OR1J2: variants seen among roughly 807,000 people sequenced by gnomAD.
The protein encoded by OR1J2 is olfactory receptor 1J2.
For synonymous variants in OR1J2, 142 were observed against 99.7 expected (o/e 1.42, Z -2.52); for missense variants, 304 against 246.1 (o/e 1.24, Z -1.57).
chr9:122,494,798 A>C, the OR1J2 span, among the ~76,000 whole-genome samples: 2 of 152,138 alleles, frequency 1.3e-5, no homozygotes, highest in African/African-American at 4.8e-5. Context: ...TTATCCTTTA[A>C]GGAGATTCTA....
chr9:122,535,274 C>T, the OR1J2 span, among the ~76,000 whole-genome samples: 3 of 151,986 alleles, frequency 2.0e-5, no homozygotes, highest in Non-Finnish European at 2.9e-5. Flanking sequence ...CCTGCCCCTC[C>T]CCCAGAAAAG....
At chr9:122,570,781 T>A in the OR1J2 span, among the ~76,000 whole-genome samples, 1 of 152,172 alleles carries the variant, frequency 6.6e-6, no homozygotes, top group Non-Finnish European at 1.5e-5. Context: ...TATTTGCTGA[T>A]ATATTGAGTG....
chr9:122,486,822 G>A, the OR1J2 span, among the ~76,000 whole-genome samples: 2 of 152,174 alleles, frequency 1.3e-5, no homozygotes, highest in African/African-American at 4.8e-5. Flanking sequence ...TCATCATGTC[G>A]TATTGCCTCC....
chr9:122,572,428 G>C, the OR1J2 span, among the ~76,000 whole-genome samples: 3,457 of 152,298 alleles, frequency 0.023, 129 homozygotes, highest in African/African-American at 0.078. Context: ...GGATGCTCCA[G>C]ACTGTAGACA....
the OR1J2 span, among the ~76,000 whole-genome samples, chr9:122,543,360 G>A: frequency 2.6e-5 from 4 of 151,932 alleles, no homozygotes; most frequent in Admixed American, 6.6e-5. Flanking sequence ...GTGCTACCAC[G>A]CCCAGCTAAT....
chr9:122,482,081 C>G, the OR1J2 span, among the ~76,000 whole-genome samples: 2 of 152,000 alleles, frequency 1.3e-5, no homozygotes, highest in African/African-American at 4.8e-5. Flanking sequence ...AGACAACCTA[C>G]AGAATGAAAG....
the OR1J2 span, among the ~76,000 whole-genome samples, chr9:122,457,887 A>G: frequency 6.6e-6 from 1 of 152,168 alleles, no homozygotes; most frequent in Non-Finnish European, 1.5e-5. Flanking sequence ...AAAATACTCT[A>G]TCTCTATTAA....
Position 122,511,637 on chromosome 9 carries a change from C to T in OR1J2, c.836C>T (p.Thr279Met), listed in dbSNP as rs78611864. The change falls in exon 1 of 1, where the codon ACG becomes ATG. Residue 279 changes from threonine (T) to methionine (M), a missense_variant. Thr to Met is a moderately conservative substitution (Grantham distance 81). Coordinates refer to ENST00000335302, the MANE Select transcript of OR1J2 (RefSeq NM_054107.1). ...DKDVIVALMY[T>M]VVTPMLNPFI... Reference sequence around the variant, plus strand: ...GATGTCATTGTGGCTCTCATGTACACGGTGGTCACACCCATGTTGAACCCC... The same window carrying T: ...GATGTCATTGTGGCTCTCATGTACATGGTGGTCACACCCATGTTGAACCCC... 3.5e-3 allele frequency: 2,709 copies of T among 780,994 alleles called. 42 individuals are homozygous for T. In the African/African-American group the frequency reaches 0.037, roughly 11 times the overall value. 48.4% of individuals were successfully genotyped at this position (780,994 alleles called of 1,614,324 possible).
chr9:122,556,282 C>CTTT, the OR1J2 span, among the ~76,000 whole-genome samples: 482 of 144,402 alleles, frequency 3.3e-3, 2 homozygotes, highest in African/African-American at 0.011. Flanking sequence ...TGTCTAGATT[C>CTTT]TTTTTTTTTT....
the OR1J2 span, among the ~76,000 whole-genome samples, chr9:122,460,949 TG>T: frequency 6.6e-6 from 1 of 152,218 alleles, no homozygotes; most frequent in Non-Finnish European, 1.5e-5. Flanking sequence ...TACTGATTTA[TG>T]TACATTAATT....
At chr9:122,522,348 G>A in the OR1J2 span, among the ~76,000 whole-genome samples, 1 of 152,266 alleles carries the variant, frequency 6.6e-6, no homozygotes, top group South Asian at 2.1e-4. Context: ...CTTCCTCAGA[G>A]GGGAGGAATC....
the OR1J2 span, among the ~76,000 whole-genome samples, chr9:122,558,058 T>A: frequency 1.3e-5 from 2 of 152,038 alleles, no homozygotes; most frequent in African/African-American, 2.4e-5. Flanking sequence ...GTGATTTTTT[T>A]ATTCATTTCT....
At chr9:122,538,084 C>A in the OR1J2 span, among the ~76,000 whole-genome samples, 1 of 152,084 alleles carries the variant, frequency 6.6e-6, no homozygotes, top group African/African-American at 2.4e-5. Flanking sequence ...ATGCAAGTCA[C>A]CTGTGTAGCC....
chr9:122,542,439 C>T, the OR1J2 span, among the ~76,000 whole-genome samples: 1 of 152,130 alleles, frequency 6.6e-6, no homozygotes, highest in Non-Finnish European at 1.5e-5. Context: ...AATGCATACT[C>T]TCATCCAAAT....
the OR1J2 span, among the ~76,000 whole-genome samples, chr9:122,461,240 G>T: frequency 1.3e-5 from 2 of 152,026 alleles, no homozygotes; most frequent in African/African-American, 4.8e-5. Context: ...TGTAATGTTG[G>T]TTGTGGGTTT....
At chr9:122,505,531 C>T in the OR1J2 span, among the ~76,000 whole-genome samples, 1 of 152,192 alleles carries the variant, frequency 6.6e-6, no homozygotes, top group African/African-American at 2.4e-5. Flanking sequence ...TAAGTTTTAA[C>T]ATGAGTTTTG....
At chr9:122,578,014 A>AAAAC in the OR1J2 span, among the ~76,000 whole-genome samples, 15 of 152,220 alleles carry the variant, frequency 9.9e-5, no homozygotes, top group African/African-American at 3.6e-4. Context: ...GGTGAAAAGG[A>AAAAC]AAACACTTTT....
At chr9:122,557,984 T>C in the OR1J2 span, among the ~76,000 whole-genome samples, 1 of 152,022 alleles carries the variant, frequency 6.6e-6, no homozygotes, top group African/African-American at 2.4e-5. Context: ...AGTTATCATG[T>C]TTGTGGGCAC....
At chr9:122,505,674 A>G in the OR1J2 span, among the ~76,000 whole-genome samples, 171 of 152,312 alleles carry the variant, frequency 1.1e-3, no homozygotes, top group African/African-American at 4.0e-3. Flanking sequence ...TATTTGTCCT[A>G]TATCCCTATA....
Sources: allele counts gnomAD v4.1 joint callset (sites outside exome capture counted in the v4.1 genomes callset), GRCh38; gene constraint gnomAD v4.1.1; transcripts MANE v1.5; gene names NCBI Gene and HGNC (gene_info 2026-07-23, HGNC 2026-07-21).